ALDH3A2: variants seen among roughly 807,000 people sequenced by gnomAD.
ALDH3A2 encodes aldehyde dehydrogenase family 3 member A2.
ALDH3A2 carries 36 observed loss-of-function variants against 51.3 expected under a neutral mutation model. The ratio of observed to expected loss-of-function variants is 0.70; its 90% CI spans 0.54 to 0.93. The LOEUF is 0.93. Ranked by LOEUF, ALDH3A2 falls within the 40% of genes least tolerant of loss-of-function variation. The pLI, the probability that ALDH3A2 is intolerant of heterozygous loss-of-function variation, is 0.00. For synonymous variants in ALDH3A2, 199 were observed against 219.8 expected (o/e 0.91, Z 0.84); for missense variants, 552 against 603.1 (o/e 0.92, Z 0.89).
At position 19,677,543 on chromosome 17, in the gene ALDH3A2, A is replaced by C. The variant is rs886052701; in HGVS notation, c.*1971A>C. 6.6e-6 allele frequency: 1 copy of C among 152,146 alleles called. No individual in the cohort carries two copies. The highest frequency in any genetic ancestry group is 1.5e-5 in the Non-Finnish European group (1 of 68,024). 9.4% of individuals were successfully genotyped at this position (152,146 alleles called of 1,614,324 possible). ...CCTCAGATATACCCTATTGGAGACA[A>C]TCCTTTGATCATAAATTCTCCCCAA... On this transcript the variant is annotated 3_prime_UTR_variant, in exon 10 of 10. Transcript: ENST00000176643.
intron 3 of ALDH3A2, 191 bp downstream of exon 3, chr17:19,652,823 T>C (rs2084834899): frequency 1.6e-6 from 1 of 606,098 alleles, no homozygotes; most frequent in Non-Finnish European, 3.0e-6. Context: ...GTCACCCAGC[T>C]CTTGGGGTTA....
intron 3 of ALDH3A2, chr17:19,656,087 CA>C: frequency 2.2e-6 from 1 of 448,162 alleles, no homozygotes; most frequent in East Asian, 4.6e-5. Context: ...TGGTCAAATT[CA>C]ACCATTTGTT....
At chr17:19,658,245 A>G (rs1330915017) in intron 5 of ALDH3A2, among the ~76,000 whole-genome samples, 3 of 152,210 alleles carry the variant, frequency 2.0e-5, no homozygotes, top group African/African-American at 7.2e-5. Context: ...TTGTGTATGT[A>G]GAGGGCCTAG....
intron 7 of ALDH3A2, 62 bp from the exon 8 acceptor site, chr17:19,664,886 G>A: frequency 8.9e-7 from 1 of 1,122,530 alleles, no homozygotes; most frequent in Non-Finnish European, 1.4e-6. Context: ...CTGTGTGGTG[G>A]GGCCATGAGT....
intron 3 of ALDH3A2, among the ~76,000 whole-genome samples, chr17:19,655,906 C>T (rs575438894): frequency 1.3e-5 from 2 of 152,228 alleles, no homozygotes; most frequent in Non-Finnish European, 2.9e-5. Context: ...CAAAAGCAAG[C>T]GCTCTCAGCT....
intron 9 of ALDH3A2, chr17:19,675,057 T>C (rs1430141083): frequency 6.4e-6 from 1 of 156,680 alleles, no homozygotes; most frequent in East Asian, 1.9e-4. Context: ...GAGGTTAATG[T>C]TGATAAATTT....
At position 19,654,192 on chromosome 17, in the gene ALDH3A2, C is replaced by T. The variant is rs142478273; in HGVS notation, c.471+1560C>T. 0.021 allele frequency among the ~76,000 whole-genome samples: 3,126 copies of T among 152,336 alleles called. 90 individuals carry two copies. The highest frequency in any genetic ancestry group is 0.065 in the African/African-American group (2,690 of 41,584). On this transcript the variant is annotated intron_variant, in intron 3 of 9. Coordinates refer to ENST00000176643, the MANE Select transcript of ALDH3A2 (RefSeq NM_000382.3). This position sits in a 1 kb window ranked among gnomAD's most constrained non-coding sequence, Gnocchi z 4.5. ...GCTGATTGGTGCATATACAATCCTCCGGCTAGACATAAAAGTTCTCTAAGT... is the reference window on the plus strand; with the variant it reads ...GCTGATTGGTGCATATACAATCCTCTGGCTAGACATAAAAGTTCTCTAAGT...
chr17:19,649,268 C>T (rs2084781659), intron 1 of ALDH3A2, 144 bp downstream of exon 1: 1 of 1,158,038 alleles, frequency 8.6e-7, no homozygotes. Flanking sequence ...ACAGATAAAG[C>T]CAAAGTTCCC....
chr17:19,654,275 T>G lies in ALDH3A2; in HGVS notation c.471+1643T>G, dbSNP rs1225839687. Among the ~76,000 whole-genome samples the G allele has an allele frequency of 6.6e-6, 1 of 152,238 alleles. No individual in the cohort carries two copies. The highest frequency in any genetic ancestry group is 2.4e-5 in the African/African-American group (1 of 41,468). ...CCTAGTGGATCCCACGCCGGGGCTG[T>G]GGGTGGAGCTGCCCATCAGTCCAGC... On this transcript the variant is annotated intron_variant, in intron 3 of 9. Transcript: ENST00000176643. This position sits in a 1 kb window ranked among gnomAD's most constrained non-coding sequence, Gnocchi z 4.5.
chr17:19,667,434 C>CT (rs1480293034), intron 8 of ALDH3A2, among the ~76,000 whole-genome samples: 1 of 152,016 alleles, frequency 6.6e-6, no homozygotes, highest in Non-Finnish European at 1.5e-5. Context: ...GTTAAAAGGG[C>CT]TTATACAATT....
intron 8 of ALDH3A2, among the ~76,000 whole-genome samples, chr17:19,665,309 T>C (rs1472988806): frequency 6.6e-6 from 1 of 152,062 alleles, no homozygotes; most frequent in Non-Finnish European, 1.5e-5. Flanking sequence ...GATTTTGTTA[T>C]CCTGCCACAT....
chr17:19,675,776 A>G lies in ALDH3A2; in HGVS notation c.*204A>G, dbSNP rs1597577470. ...CCCAACATTCCCTAATAGGGTATTC[A>G]GGGAACCTGTCTTAAATTGTGCTTA... On this transcript the variant is annotated 3_prime_UTR_variant, in exon 10 of 10. Transcript: ENST00000176643. 1 of 630,628 alleles carries G rather than the reference A, an allele frequency of 1.6e-6. No homozygotes were observed. The highest frequency in any genetic ancestry group is 2.8e-5 in the East Asian group (1 of 35,342). 39.1% of individuals were successfully genotyped at this position (630,628 alleles called of 1,614,324 possible). A position where few individuals can be genotyped will look rare whatever the true frequency, so the allele number is the denominator to read the frequency against.
At position 19,648,952 on chromosome 17, in the gene ALDH3A2, G is replaced by T; in HGVS notation, c.-20G>T. 1 of 1,575,424 alleles carries T rather than the reference G, an allele frequency of 6.3e-7. No homozygotes were observed. The highest frequency in any genetic ancestry group is 8.6e-7 in the Non-Finnish European group (1 of 1,161,404). ...CTCCCCAGCGCCCCCGGACCGTGCAGTTCTCTGCAGGACCAGGCCATGGAG... is the reference window on the plus strand; with the variant it reads ...CTCCCCAGCGCCCCCGGACCGTGCATTTCTCTGCAGGACCAGGCCATGGAG... On this transcript the variant is annotated 5_prime_UTR_variant, in exon 1 of 10. Transcript: ENST00000176643.
At chr17:19,652,046 C>T (rs2152326590) in intron 2 of ALDH3A2, among the ~76,000 whole-genome samples, 1 of 152,298 alleles carries the variant, frequency 6.6e-6, no homozygotes, top group Admixed American at 6.5e-5. Flanking sequence ...AGTTTGGAGT[C>T]AGGCATCCAT....
rs761847689 is a variant in ALDH3A2, at chr17:19,651,565, A to C, written c.172A>C (p.Ser58Arg). ...DLCKSEFNVY[S>R]QEVITVLGEI... is the part of the protein sequence containing the mutation. ...ATAACAGAGTGAATTCAATGTGTAC[A>C]GTCAGGAAGTCATTACTGTCCTTGG... Residue 58 changes from serine (S) to arginine (R), a missense_variant, in exon 2 of 10, where the codon AGT (serine) becomes CGT (arginine). Coordinates refer to ENST00000176643, the MANE Select transcript of ALDH3A2 (RefSeq NM_000382.3). 10 of 1,613,644 alleles carry C rather than the reference A, an allele frequency of 6.2e-6. No individual in the cohort carries two copies.
At chr17:19,661,385 A>G in intron 6 of ALDH3A2, 117 bp downstream of exon 6, 1 of 1,227,684 alleles carries the variant, frequency 8.1e-7, no homozygotes, top group Non-Finnish European at 1.2e-6. Flanking sequence ...TAAAGTACTA[A>G]ATCCTGCTTT....
At chr17:19,656,623 C>T (rs757700174) in intron 4 of ALDH3A2, 49 bp downstream of exon 4, 2 of 1,503,522 alleles carry the variant, frequency 1.3e-6, no homozygotes, top group Admixed American at 1.9e-5. Flanking sequence ...ACAATGGAGA[C>T]TTTTCCTGAC....
rs1320588121 is a variant in ALDH3A2, at chr17:19,671,944, T to A, written c.1431T>A (p.Ala477=). The A allele has an allele frequency of 6.2e-7, 1 of 1,614,146 alleles. No homozygotes were observed. Among genetic ancestry groups the A allele is most frequent in the Non-Finnish European group, 8.5e-7 (1 of 1,179,986 alleles). Residue 477 remains alanine (A), a synonymous_variant, in exon 9 of 10, where the codon GCT becomes GCA. Transcript: ENST00000176643. ...LLLTFLGIVA[A]VLVKAEYY The stretch of plus-strand genomic sequence containing the variant: ...TCACTTTCCTGGGTATTGTAGCCGC[T>A]GTGCTTGTCAAGGTGAGTCCCTATA...
chr17:19,665,081 T>C (rs1488224883), intron 8 of ALDH3A2, 34 bp downstream of exon 8: 1 of 1,556,044 alleles, frequency 6.4e-7, no homozygotes, highest in Middle Eastern at 1.7e-4. Context: ...GTAGTAGATA[T>C]TTCAAAAGCA....
Sources: allele counts gnomAD v4.1 joint callset (sites outside exome capture counted in the v4.1 genomes callset), GRCh38; gene constraint gnomAD v4.1.1; non-coding constraint Gnocchi (gnomAD v3.1); transcripts MANE v1.5; gene names NCBI Gene and HGNC (gene_info 2026-07-23, HGNC 2026-07-21).